The following SLC35B4 variants were observed in gnomAD, a reference collection of about 807,000 sequenced individuals.
The protein encoded by SLC35B4 is solute carrier family 35 member B4.
SLC35B4 carries 28 observed loss-of-function variants against 39.5 expected under a neutral mutation model. The ratio of observed to expected loss-of-function variants is 0.71; its 90% CI spans 0.53 to 0.97. The LOEUF (loss-of-function observed/expected upper bound fraction) is 0.97. Among genes scored for constraint, SLC35B4 ranks in the 50% least tolerant of loss-of-function variants. The pLI is 0.00. For synonymous variants in SLC35B4, 145 were observed against 150.4 expected (o/e 0.96, Z 0.26); for missense variants, 334 against 414.3 (o/e 0.81, Z 1.68).
chr7:134,319,447 G>A (rs143788411), upstream of SLC35B4, among the ~76,000 whole-genome samples: 43 of 152,204 alleles, frequency 2.8e-4, no homozygotes, highest in East Asian at 7.9e-3. Flanking sequence ...TCTGACTTAC[G>A]CTTTCCAGTT....
intron 4 of SLC35B4, among the ~76,000 whole-genome samples, chr7:134,303,382 G>C (rs1193959577): frequency 6.6e-6 from 1 of 152,124 alleles, no homozygotes; most frequent in African/African-American, 2.4e-5. Context: ...GGTTGGGAAA[G>C]AGCACAGGCC....
chr7:134,317,345 A>G (rs1804012413), upstream of SLC35B4, among the ~76,000 whole-genome samples: 1 of 152,226 alleles, frequency 6.6e-6, no homozygotes, highest in Non-Finnish European at 1.5e-5. Flanking sequence ...TTATGCTGCC[A>G]GGATTAAGAA....
chr7:134,299,432 T>C, intron 8 of SLC35B4, 91 bp downstream of exon 8: 1 of 1,001,054 alleles, frequency 1.0e-6, no homozygotes, highest in Non-Finnish European at 1.5e-6. Context: ...TTGAATAGGA[T>C]TATGAAAAAG....
At chr7:134,317,742 CTCTT>C (rs1804023396), upstream of SLC35B4, among the ~76,000 whole-genome samples, 1 of 149,264 alleles carries the variant, frequency 6.7e-6, no homozygotes, top group Non-Finnish European at 1.5e-5. Flanking sequence ...TTCGACTTGA[CTCTT>C]ACTTACTCAA....
intron 6 of SLC35B4, among the ~76,000 whole-genome samples, chr7:134,300,683 A>C (rs1397675786): frequency 6.6e-6 from 1 of 152,192 alleles, no homozygotes. Context: ...CTTGTATACA[A>C]ATCTTTAAAC....
chr7:134,301,455 C>T (rs949522334), intron 6 of SLC35B4, among the ~76,000 whole-genome samples: 1 of 152,136 alleles, frequency 6.6e-6, no homozygotes, highest in Non-Finnish European at 1.5e-5. Flanking sequence ...GCAGACAGAT[C>T]GTGAAGAGAC....
intron 7 of SLC35B4, among the ~76,000 whole-genome samples, chr7:134,299,835 G>C (rs1803539486): frequency 6.6e-6 from 1 of 152,148 alleles, no homozygotes; most frequent in Non-Finnish European, 1.5e-5. Context: ...CACAGACAAA[G>C]CAAACAATGG....
chr7:134,318,937 T>C (rs1273925726), upstream of SLC35B4, among the ~76,000 whole-genome samples: 2 of 152,218 alleles, frequency 1.3e-5, no homozygotes, highest in African/African-American at 2.4e-5. Flanking sequence ...TCTGATTCAC[T>C]AGGCCTGCAG....
intron 1 of SLC35B4, among the ~76,000 whole-genome samples, chr7:134,315,396 T>A (rs1803949471): frequency 6.6e-6 from 1 of 152,174 alleles, no homozygotes; most frequent in Admixed American, 6.5e-5. Flanking sequence ...CTCTAAAAAA[T>A]ATGAAACTTT....
intron 8 of SLC35B4, among the ~76,000 whole-genome samples, chr7:134,298,267 C>T (rs767957487): frequency 7.7e-4 from 117 of 152,092 alleles, no homozygotes; most frequent in Non-Finnish European, 1.3e-3. Context: ...AGTTAACAAA[C>T]GTGATTACTT....
intron 8 of SLC35B4, among the ~76,000 whole-genome samples, chr7:134,296,876 A>C (rs1204248980): frequency 6.6e-6 from 1 of 152,266 alleles, no homozygotes; most frequent in Non-Finnish European, 1.5e-5. Flanking sequence ...ATTCCAAAGT[A>C]AATAAGACTG....
At position 134,291,480 on chromosome 7, in the gene SLC35B4, T is replaced by C. The variant is rs2598287; in HGVS notation, c.*3353A>G. On this transcript the variant is annotated 3_prime_UTR_variant, in exon 10 of 10. Coordinates refer to ENST00000378509, the MANE Select transcript of SLC35B4 (RefSeq NM_032826.5). ...GTGAAGAAAGTGGGGGAAGGAGTTC[T>C]GAAGTGAAACAGAGGAAAGCTGCTC... 1 allele frequency: 152,329 copies of C among 152,330 alleles called. 76,164 individuals carry two copies. The highest frequency in any genetic ancestry group is 1 in the Middle Eastern group (294 of 294). 9.4% of individuals were successfully genotyped at this position (152,330 alleles called of 1,614,324 possible).
chr7:134,301,677 T>C (rs1039558835), intron 6 of SLC35B4, 84 bp downstream of exon 6: 3 of 1,293,296 alleles, frequency 2.3e-6, no homozygotes, highest in African/African-American at 1.5e-5. Context: ...CTGAAGCTTC[T>C]TGCCAAGAAA....
intron 6 of SLC35B4, 67 bp from the exon 7 acceptor site, chr7:134,300,328 AC>A: frequency 3.5e-6 from 4 of 1,158,382 alleles, no homozygotes; most frequent in Non-Finnish European, 5.0e-6. Context: ...TTCTTGAAGA[AC>A]ATTATTGTTT....
chr7:134,305,184 G>A (rs59989951), intron 3 of SLC35B4, among the ~76,000 whole-genome samples: 2,927 of 152,142 alleles, frequency 0.019, 117 homozygotes, highest in African/African-American at 0.068. Flanking sequence ...TTAGCTGGGC[G>A]TGGTGGCAGT....
At chr7:134,309,693 C>G (rs1340810565) in intron 1 of SLC35B4, among the ~76,000 whole-genome samples, 2 of 152,176 alleles carry the variant, frequency 1.3e-5, no homozygotes, top group Non-Finnish European at 2.9e-5. Flanking sequence ...CTCTTCCTTG[C>G]GTGTATCAGG....
At chr7:134,301,365 A>G (rs1180796728) in intron 6 of SLC35B4, among the ~76,000 whole-genome samples, 1 of 152,216 alleles carries the variant, frequency 6.6e-6, no homozygotes, top group Non-Finnish European at 1.5e-5. Context: ...TCTGAAGAAA[A>G]TAAGTCTTTA....
chr7:134,299,761 C>T (rs1473159205), intron 7 of SLC35B4, among the ~76,000 whole-genome samples, 163 bp from the exon 8 acceptor site: 1 of 152,188 alleles, frequency 6.6e-6, no homozygotes, highest in East Asian at 1.9e-4. Flanking sequence ...GACCACTTCA[C>T]CTTGTATGGC....
chr7:134,305,259 G>T (rs1484177641), intron 3 of SLC35B4, among the ~76,000 whole-genome samples: 1 of 151,966 alleles, frequency 6.6e-6, no homozygotes, highest in Non-Finnish European at 1.5e-5. Context: ...GGAAGTGGAG[G>T]TTGCAGTGAG....
Sources: allele counts gnomAD v4.1 joint callset (sites outside exome capture counted in the v4.1 genomes callset), GRCh38; gene constraint gnomAD v4.1.1; transcripts MANE v1.5; gene names NCBI Gene and HGNC (gene_info 2026-07-23, HGNC 2026-07-21).